Variants in PLXNA3 observed in about 807,000 individuals in gnomAD.
The protein encoded by PLXNA3 is plexin-A3.
Under a neutral mutation model 118.8 loss-of-function variants are expected in PLXNA3, and 52 were observed. The observed-to-expected ratio is 0.44, with a 90% CI of 0.35 to 0.55. PLXNA3 has a LOEUF of 0.55. PLXNA3 is among the 20% of genes least tolerant of loss of function. The pLI is 0.01. For missense variants in PLXNA3, 1,660 were observed against 1,730.8 expected (o/e 0.96, Z 0.73); for synonymous variants, 925 against 762.4 (o/e 1.21, Z -3.51).
At position 154,465,237 on chromosome X, in the gene PLXNA3, C is replaced by T; in HGVS notation, c.2244+19C>T. On this transcript the variant is annotated intron_variant, in intron 11 of 32. Transcript: ENST00000369682. The stretch of plus-strand genomic sequence containing the variant: ...CGCCTCGGTGAGGTCCCACCCGCTG[C>T]CTCCCTTCGGGGTCTGGGCTGTGGC... The T allele has an allele frequency of 8.4e-7, 1 of 1,186,416 alleles. No homozygotes were observed. The highest frequency in any genetic ancestry group is 1.1e-6 in the Non-Finnish European group (1 of 877,334).
In PLXNA3 at chrX:154,468,434, C is replaced by T. The variant is rs782252064; in HGVS notation, c.4095C>T (p.Ala1365=). Residue 1365 remains alanine (A), a synonymous_variant, in exon 23 of 33, where the codon GCC becomes GCT. Transcript: ENST00000369682. ...CCATGCGCGACCGCGGCACCGTGGC[C>T]TCGCTCACCATGGTGGCCCTGCAGA... ...SFSMRDRGTV[A]SLTMVALQSR... is the part of the protein sequence containing the mutation. 5.8e-6 allele frequency: 7 copies of T among 1,211,352 alleles called. No individual in the cohort carries two copies. Among genetic ancestry groups the T allele is most frequent in the South Asian group, 1.8e-5 (1 of 57,046 alleles).
Position 154,465,759 on chromosome X carries a change from A to G in PLXNA3, c.2444A>G (p.Gln815Arg). Residue 815 changes from glutamine to arginine, a missense_variant, in exon 13 of 33, where the codon CAG (glutamine) becomes CGG (arginine). Transcript: ENST00000369682. ...CGWCISEHRC[Q>R]LRTHCPAPKT... Reference sequence around the variant, plus strand: ...TGGTGCATCTCAGAGCACAGGTGCCAGCTGCGGACCCACTGCCCGGCCCCG... The same window carrying G: ...TGGTGCATCTCAGAGCACAGGTGCCGGCTGCGGACCCACTGCCCGGCCCCG... The G allele has an allele frequency of 8.3e-7, 1 of 1,210,157 alleles. No individual in the cohort carries two copies. Among genetic ancestry groups the G allele is most frequent in the Non-Finnish European group, 1.1e-6 (1 of 894,919 alleles).
At chrX:154,459,272 GCT>G (rs1190794210) in intron 1 of PLXNA3, among the ~76,000 whole-genome samples, 1 of 108,928 alleles carries the variant, frequency 9.2e-6, no homozygotes, top group African/African-American at 3.3e-5. Context: ...CCACGACACT[GCT>G]CTGCTGTCTT....
At position 154,468,556 on chromosome X, in the gene PLXNA3, G is replaced by A. The variant is rs1557208281; in HGVS notation, c.4217G>A (p.Arg1406His). 1 of 1,209,192 alleles carries A rather than the reference G, an allele frequency of 8.3e-7. No homozygotes were observed. The highest frequency in any genetic ancestry group is 1.1e-6 in the Non-Finnish European group (1 of 894,396). The change falls in exon 23 of 33, where the codon CGC becomes CAC. Residue 1406 changes from arginine to histidine, a missense_variant. Transcript: ENST00000369682. ...ESKNHPKLLL[R>H]RTESVAEKML... ...AAGAACCACCCCAAGCTGCTGCTAC[G>A]CAGGTACCTGCCTTGCTCTATCCAG...
rs2069176993 is a variant in PLXNA3 at position 154,471,088 on chromosome X, C to T, written c.5157-17C>T. On this transcript the variant is annotated splice_polypyrimidine_tract_variant and intron_variant, in intron 30 of 32. Coordinates refer to ENST00000369682, the MANE Select transcript of PLXNA3 (RefSeq NM_017514.5). Reference sequence around the variant, plus strand: ...TAACTAGGGAGCCTCAGGCGCACGTCCCTCTGTTGTCCACAGCCTGCCGCT... The same window carrying T: ...TAACTAGGGAGCCTCAGGCGCACGTTCCTCTGTTGTCCACAGCCTGCCGCT... 9 of 1,201,782 alleles carry T rather than the reference C, an allele frequency of 7.5e-6. No individual in the cohort carries two copies. The highest frequency in any genetic ancestry group is 2.2e-5 in the Admixed American group (1 of 45,840).
rs2069009968 is a variant in PLXNA3, at chrX:154,463,325, G to C, written c.1318-66G>C. The C allele has an allele frequency of 8.3e-6, 10 of 1,197,715 alleles. No individual in the cohort carries two copies. In the South Asian group the frequency reaches 1.4e-4, roughly 17 times the overall value. On this transcript the variant is annotated intron_variant, in intron 4 of 32. Transcript: ENST00000369682. ...CTCAGCCACAACCTCCAAAGTCTTT[G>C]GCTGGAGAAGACAGTGTCCCAGGTG...
Position 154,469,126 on chromosome X carries a change from G to C in PLXNA3, c.4505G>C (p.Ser1502Thr). The change falls in exon 26 of 33, where the codon AGC (serine) becomes ACC (threonine). Residue 1502 changes from serine to threonine, a missense_variant. Physicochemically the swap from Ser to Thr is moderately conservative, Grantham distance 58. Around this residue, in one of 2 missense-constraint regions of PLXNA3, gnomAD observed 869 missense variants for 1,078.7 expected, o/e 0.81. Coordinates refer to ENST00000369682, the MANE Select transcript of PLXNA3 (RefSeq NM_017514.5). ...QVPVKVLNCD[S>T]ITQAKDKLLD... ...CCAGTGAAGGTTCTCAACTGTGACA[G>C]CATCACCCAGGCCAAAGATAAGCTG... is the stretch of plus-strand genomic sequence containing the variant. 1.7e-6 allele frequency: 2 copies of C among 1,210,864 alleles called. No individual in the cohort carries two copies. Among genetic ancestry groups the C allele is most frequent in the Non-Finnish European group, 1.1e-6 (1 of 895,020 alleles).
At position 154,460,322 on chromosome X, in the gene PLXNA3, G is replaced by A. The variant is rs782551566; in HGVS notation, c.139G>A (p.Val47Met). ...GCACCGGGTGACTGGGGAGGTGTTCGTGGGCGCAGTGAACCGAGTCTTTAA... is the reference window on the plus strand; with the variant it reads ...GCACCGGGTGACTGGGGAGGTGTTCATGGGCGCAGTGAACCGAGTCTTTAA... ...AVHRVTGEVF[V>M]GAVNRVFKLA... The change falls in exon 2 of 33, where the codon GTG becomes ATG. Residue 47 changes from valine (V) to methionine (M), a missense_variant. Coordinates refer to ENST00000369682, the MANE Select transcript of PLXNA3 (RefSeq NM_017514.5). The A allele has an allele frequency of 9.1e-6, 11 of 1,210,492 alleles. No homozygotes were observed. In the South Asian group the frequency reaches 1.6e-4, roughly 17 times the overall value.
chrX:154,468,485 G>A lies in PLXNA3; in HGVS notation c.4146G>A (p.Leu1382=), dbSNP rs1265970467. 8.3e-7 allele frequency: 1 copy of A among 1,210,037 alleles called. No homozygotes were observed. The highest frequency in any genetic ancestry group is 3.0e-5 in the East Asian group (1 of 33,784). Residue 1382 remains leucine, a synonymous_variant, in exon 23 of 33, where the codon CTG becomes CTA. Transcript: ENST00000369682. ...LQSRLDYATG[L]LKQLLADLIE... ...GCCGGCTCGACTATGCCACGGGGCT[G>A]CTCAAGCAACTGCTGGCCGACCTCA...
chrX:154,471,748 C>A, intron 32 of PLXNA3, 110 bp downstream of exon 32: 1 of 735,184 alleles, frequency 1.4e-6, no homozygotes, highest in Non-Finnish European at 2.0e-6. Flanking sequence ...TCTCCCCTGA[C>A]CAGGGCCTGG....
rs782182165 is a variant in PLXNA3 at position 154,460,723 on chromosome X, C to G, written c.540C>G (p.Thr180=). Residue 180 remains threonine (T), a synonymous_variant, in exon 2 of 33, where the codon ACC becomes ACG. Coordinates refer to ENST00000369682, the MANE Select transcript of PLXNA3 (RefSeq NM_017514.5). ...ACGGCAAGTCGGAGTACTTCCCCAC[C>G]TTGAGCTCCCGCAAGCTCATCAGTG... ...AVDGKSEYFP[T]LSSRKLISDE... 4.4e-6 allele frequency: 5 copies of G among 1,137,803 alleles called. No individual in the cohort carries two copies. The highest frequency in any genetic ancestry group is 4.2e-5 in the South Asian group (2 of 47,775). The allele number at this position is 1,137,803 out of a possible 1,213,427, so 93.8% of individuals were successfully genotyped here. A position where few individuals can be genotyped will look rare whatever the true frequency, so the allele number is the denominator to read the frequency against.
intron 3 of PLXNA3, 69 bp from the exon 4 acceptor site, chrX:154,462,059 A>G: frequency 1.1e-6 from 1 of 936,880 alleles, no homozygotes; most frequent in South Asian, 2.4e-5. Context: ...TCTGGGACAC[A>G]GGAACTGCCG....
chrX:154,468,225 G>A lies in PLXNA3; in HGVS notation c.3963+1G>A. The A allele has an allele frequency of 8.5e-7, 1 of 1,179,330 alleles. No individual in the cohort carries two copies. The highest frequency in any genetic ancestry group is 1.1e-6 in the Non-Finnish European group (1 of 877,342). ...CCACCCGGTGCTCAAGGAGCTGGATGTGAGCCTCTGCCTGGCCTGCCCCCC... is the reference window on the plus strand; with the variant it reads ...CCACCCGGTGCTCAAGGAGCTGGATATGAGCCTCTGCCTGGCCTGCCCCCC... On this transcript the variant is annotated splice_donor_variant, in intron 22 of 32. Coordinates refer to ENST00000369682, the MANE Select transcript of PLXNA3 (RefSeq NM_017514.5). LOFTEE classifies it high-confidence loss of function.
At position 154,460,275 on chromosome X, in the gene PLXNA3, C is replaced by A. The variant is rs1278961596; in HGVS notation, c.92C>A (p.Thr31Asn). 3 of 1,208,720 alleles carry A rather than the reference C, an allele frequency of 2.5e-6. No homozygotes were observed. The highest frequency in any genetic ancestry group is 3.4e-6 in the Non-Finnish European group (3 of 893,268). Residue 31 changes from threonine (T) to asparagine (N), a missense_variant, in exon 2 of 33, where the codon ACC becomes AAC. Thr to Asn is a moderately conservative substitution (Grantham distance 65, BLOSUM62 0). This residue lies in a region of PLXNA3 where 791 missense variants were observed against 652.1 expected (regional missense o/e 1.21). Coordinates refer to ENST00000369682, the MANE Select transcript of PLXNA3 (RefSeq NM_017514.5). ...TTCCGTGCCTTCGTGGTGACAGACA[C>A]CACGCTTACCCACCTGGCTGTGCAC... The part of the protein sequence containing the change: ...RPFRAFVVTD[T>N]TLTHLAVHRV...
rs782269611 is a variant in PLXNA3 at position 154,461,074 on chromosome X, G to A, written c.595-25G>A. ...ATGTTGGCACAGGGCCTCACCGGAT[G>A]CTGTCTCCTCCCCCTGCTCCCCAGG... On this transcript the variant is annotated intron_variant, in intron 2 of 32. Coordinates refer to ENST00000369682, the MANE Select transcript of PLXNA3 (RefSeq NM_017514.5). 5.1e-6 allele frequency: 6 copies of A among 1,165,891 alleles called. No individual in the cohort carries two copies. In the African/African-American group the frequency reaches 5.3e-5, roughly 10 times the overall value.
Position 154,466,523 on chromosome X carries a change from G to T in PLXNA3, c.2936+11G>T, listed in dbSNP as rs1557207204. ...GTGCCAGTTTGTAAGGTGGGCCGGG[G>T]CCCTGCCAGCTTTGGGTTGGGCATC... is the stretch of plus-strand genomic sequence containing the variant. On this transcript the variant is annotated intron_variant, in intron 16 of 32. Coordinates refer to ENST00000369682, the MANE Select transcript of PLXNA3 (RefSeq NM_017514.5). 5.0e-6 allele frequency: 6 copies of T among 1,201,224 alleles called. No homozygotes were observed. Among genetic ancestry groups the T allele is most frequent in the African/African-American group, 3.5e-5 (2 of 57,079 alleles).
At position 154,460,592 on chromosome X, in the gene PLXNA3, C is replaced by T. The variant is rs143244763; in HGVS notation, c.409C>T (p.Arg137Cys). 154 of 1,202,451 alleles carry T rather than the reference C, an allele frequency of 1.3e-4. No homozygotes were observed. Among genetic ancestry groups the T allele is most frequent in the African/African-American group, 3.1e-4 (18 of 57,470 alleles). ...CTTCAAGCTGGGTGAGCCGCACCAC[C>T]GCAAGGAGCACTACCTGTCGGGGGC... ...DLFKLGEPHH[R>C]KEHYLSGAQE... Residue 137 changes from arginine to cysteine, a missense_variant, in exon 2 of 33, where the codon CGC (arginine) becomes TGC (cysteine). By Grantham distance (180) the Arg-to-Cys change is radical (BLOSUM62 -3). Around this residue, in one of 2 missense-constraint regions of PLXNA3, gnomAD observed 791 missense variants for 652.1 expected, o/e 1.21. Coordinates refer to ENST00000369682, the MANE Select transcript of PLXNA3 (RefSeq NM_017514.5).
In PLXNA3 at chrX:154,467,563, G is replaced by A. The variant is rs782753232; in HGVS notation, c.3460G>A (p.Ala1154Thr). Reference sequence around the variant, plus strand: ...CCCCCAGGGCAAGAACCTGATTCCCGCTGCAGCCGGCAGCTCCCGCCTCAA... The same window carrying A: ...CCCCCAGGGCAAGAACCTGATTCCCACTGCAGCCGGCAGCTCCCGCCTCAA... ...VVLKGKNLIP[A>T]AAGSSRLNYT... The change falls in exon 20 of 33, where the codon GCT (alanine) becomes ACT (threonine). Residue 1154 changes from alanine (A) to threonine (T), a missense_variant. Ala to Thr is a moderately conservative substitution (Grantham distance 58). This residue lies in a region of PLXNA3 where 869 missense variants were observed against 1,078.7 expected (regional missense o/e 0.81). Coordinates refer to ENST00000369682, the MANE Select transcript of PLXNA3 (RefSeq NM_017514.5). The A allele has an allele frequency of 1.2e-5, 14 of 1,185,235 alleles. No homozygotes were observed. In the East Asian group the frequency reaches 1.2e-4, roughly 10 times the overall value.
chrX:154,459,131 G>A (rs1028525169), intron 1 of PLXNA3, among the ~76,000 whole-genome samples: 107 of 108,355 alleles, frequency 9.9e-4, no homozygotes, highest in Non-Finnish European at 1.4e-3. Context: ...TCTCTCCTGT[G>A]CCTCCTTGGT....
Sources: allele counts gnomAD v4.1 joint callset (sites outside exome capture counted in the v4.1 genomes callset), GRCh38; gene constraint gnomAD v4.1.1; regional missense constraint gnomAD v4.1.1; transcripts MANE v1.5; gene names NCBI Gene and HGNC (gene_info 2026-07-23, HGNC 2026-07-21).